KAZN: variants seen among roughly 807,000 people sequenced by gnomAD.
KAZN encodes the protein kazrin, periplakin interacting protein.
A neutral mutation model predicts 87.4 loss-of-function variants in KAZN; 40 were observed. That is an observed-to-expected ratio of 0.46 (90% CI 0.36 to 0.60). The LOEUF (loss-of-function observed/expected upper bound fraction) is 0.60. Ranked by LOEUF, KAZN falls within the 20% of genes least tolerant of loss-of-function variation. The probability of loss-of-function intolerance (pLI) is 0.00; values close to 1 mark genes in which losing one functional copy is unlikely to be tolerated. For synonymous variants in KAZN, 466 were observed against 458.3 expected (o/e 1.02, Z -0.22); for missense variants, 898 against 1,073.9 (o/e 0.84, Z 2.29).
At chr1:14,646,264 G>A (rs1285552607) in intron 1 of KAZN, among the ~76,000 whole-genome samples, 1 of 152,116 alleles carries the variant, frequency 6.6e-6, no homozygotes, top group Non-Finnish European at 1.5e-5. Flanking sequence ...TCTGTTCCTA[G>A]GCTGGGTATC....
intron 1 of KAZN, among the ~76,000 whole-genome samples, chr1:14,713,736 C>T (rs1350988996): frequency 4.0e-5 from 5 of 126,228 alleles, no homozygotes; most frequent in Non-Finnish European, 6.2e-5. Flanking sequence ...CCAAGGAGTA[C>T]GAGACTAGCC....
At chr1:14,248,479 T>C (rs1416316621) in intron 2 of KAZN, among the ~76,000 whole-genome samples, 1 of 152,236 alleles carries the variant, frequency 6.6e-6, no homozygotes, top group African/African-American at 2.4e-5. Context: ...ATGGTGAGAC[T>C]AGCAGAGGGT....
chr1:14,661,446 A>G (rs1639158923), intron 1 of KAZN, among the ~76,000 whole-genome samples: 1 of 152,144 alleles, frequency 6.6e-6, no homozygotes, highest in Non-Finnish European at 1.5e-5. Flanking sequence ...TTAGGCTTTG[A>G]GCAACATATG....
chr1:15,008,487 C>G lies in KAZN; in HGVS notation c.419-26262C>G, dbSNP rs191149688. 4.8e-4 allele frequency among the ~76,000 whole-genome samples: 73 copies of G among 152,338 alleles called. 1 individual carries two copies. The highest frequency in any genetic ancestry group is 3.4e-3 in the Middle Eastern group (1 of 294). On this transcript the variant is annotated intron_variant, in intron 2 of 14. Transcript: ENST00000376030. ...AGGTTGTGTGAGGTGAGTGAGACAG[C>G]TATGATGAGGACCGGGAATGCCCTG...
chr1:14,765,492 T>C (rs1377690445), intron 1 of KAZN, among the ~76,000 whole-genome samples: 1 of 152,144 alleles, frequency 6.6e-6, no homozygotes, highest in Non-Finnish European at 1.5e-5. Context: ...GGGGTTTCAA[T>C]TGAATTGTGT....
At chr1:14,975,690 GA>G (rs1171750267) in intron 2 of KAZN, among the ~76,000 whole-genome samples, 4 of 152,096 alleles carry the variant, frequency 2.6e-5, no homozygotes, top group African/African-American at 7.2e-5. Flanking sequence ...TTTTGCACAT[GA>G]AAAGATTGAG....
intron 1 of KAZN, among the ~76,000 whole-genome samples, chr1:14,899,574 G>T (rs1326957769): frequency 6.6e-6 from 1 of 152,162 alleles, no homozygotes; most frequent in Non-Finnish European, 1.5e-5. Flanking sequence ...CTTCCTATCC[G>T]TATGGTAGAC....
intron 2 of KAZN, among the ~76,000 whole-genome samples, chr1:14,323,218 C>T (rs989335310): frequency 6.6e-6 from 1 of 152,028 alleles, no homozygotes; most frequent in Non-Finnish European, 1.5e-5. Context: ...CACACTAGCT[C>T]TTAGTGGCTT....
intron 1 of KAZN, among the ~76,000 whole-genome samples, chr1:13,958,393 A>G (rs1458967509): frequency 6.6e-6 from 1 of 151,526 alleles, no homozygotes; most frequent in Non-Finnish European, 1.5e-5. Context: ...ACACGGTGAA[A>G]CCCCGTCTCT....
At chr1:14,041,792 G>A (rs1641849864) in intron 1 of KAZN, among the ~76,000 whole-genome samples, 1 of 152,186 alleles carries the variant, frequency 6.6e-6, no homozygotes, top group Admixed American at 6.5e-5. Flanking sequence ...TTAACTTCTT[G>A]TATGACTTTG....
chr1:13,898,494 T>C (rs1206721569), intron 1 of KAZN, among the ~76,000 whole-genome samples: 3 of 152,216 alleles, frequency 2.0e-5, no homozygotes, highest in Non-Finnish European at 4.4e-5. Flanking sequence ...GCAGTTACCT[T>C]GCTTGACCCA....
chr1:13,909,976 A>G (rs1374009764), intron 1 of KAZN, among the ~76,000 whole-genome samples: 1 of 152,156 alleles, frequency 6.6e-6, no homozygotes, highest in African/African-American at 2.4e-5. Flanking sequence ...GCTGATTAGG[A>G]AGGGCCCAGA....
chr1:14,004,211 A>G (rs1639938707), intron 1 of KAZN, among the ~76,000 whole-genome samples: 1 of 152,236 alleles, frequency 6.6e-6, no homozygotes, highest in Non-Finnish European at 1.5e-5. Flanking sequence ...ATTGAAAATG[A>G]CAGATGATAT....
At chr1:15,030,260 G>C (rs1283022479) in intron 2 of KAZN, among the ~76,000 whole-genome samples, 1 of 152,066 alleles carries the variant, frequency 6.6e-6, no homozygotes, top group African/African-American at 2.4e-5. Context: ...TTTTTATTTT[G>C]ATTTTTATGT....
At position 14,481,844 on chromosome 1, in the gene KAZN, G is replaced by A. The variant is rs1360670251; in HGVS notation, c.250-117139G>A. On this transcript the variant is annotated intron_variant, in intron 2 of 16. Transcript: ENST00000636203. ...GGAGACCTTGGCCCTGCCTTCCTGAGGAATGTTCTGGAACTCTCATCCTCA... is the reference window on the plus strand; with the variant it reads ...GGAGACCTTGGCCCTGCCTTCCTGAAGAATGTTCTGGAACTCTCATCCTCA... 2.0e-5 allele frequency among the ~76,000 whole-genome samples: 3 copies of A among 152,208 alleles called. No homozygotes were observed. In the South Asian group the frequency reaches 6.2e-4, roughly 32 times the overall value.
chr1:14,107,081 C>T (rs1644393528), intron 1 of KAZN, among the ~76,000 whole-genome samples: 1 of 146,140 alleles, frequency 6.8e-6, no homozygotes, highest in African/African-American at 2.5e-5. Flanking sequence ...ATCTCTCTCC[C>T]CTCTTCCCTC....
chr1:14,793,947 C>T (rs1645756019), intron 1 of KAZN, among the ~76,000 whole-genome samples: 1 of 152,202 alleles, frequency 6.6e-6, no homozygotes, highest in Non-Finnish European at 1.5e-5. Flanking sequence ...CAGCCCGCAG[C>T]CTCCACCTGA....
At chr1:14,178,418 A>G (rs776565837) in intron 1 of KAZN, among the ~76,000 whole-genome samples, 39 of 152,144 alleles carry the variant, frequency 2.6e-4, no homozygotes, top group Non-Finnish European at 3.8e-4. Flanking sequence ...TTTTATTGCT[A>G]TGATTTCAGG....
intron 1 of KAZN, among the ~76,000 whole-genome samples, chr1:13,963,042 A>G (rs1641814449): frequency 6.6e-6 from 1 of 152,190 alleles, no homozygotes; most frequent in South Asian, 2.1e-4. Flanking sequence ...CTTGTGTATC[A>G]TTATAGGAAG....
Sources: gnomAD v4.1 joint callset for allele counts (sites outside exome capture counted in the v4.1 genomes callset) on GRCh38, gnomAD v4.1.1 for gene constraint, MANE v1.5 for transcripts, NCBI Gene and HGNC (gene_info 2026-07-23, HGNC 2026-07-21) for gene names.